The following CWC27 variants were observed in gnomAD, a reference collection of about 807,000 sequenced individuals.
The protein encoded by CWC27 is spliceosome-associated protein CWC27 homolog.
Under a neutral mutation model 63.6 loss-of-function variants are expected in CWC27, and 47 were observed. The observed-to-expected ratio is 0.74, with a 90% CI of 0.58 to 0.94. The LOEUF (loss-of-function observed/expected upper bound fraction) is 0.94, where lower values mean the gene tolerates loss of function less well. CWC27 is among the 40% of genes least tolerant of loss of function. The pLI, the probability that CWC27 is intolerant of heterozygous loss-of-function variation, is 0.00. For synonymous variants in CWC27, 175 were observed against 179.8 expected (o/e 0.97, Z 0.22); for missense variants, 495 against 554.3 (o/e 0.89, Z 1.07).
At chr5:64,932,173 T>C (rs954573034) in intron 11 of CWC27, among the ~76,000 whole-genome samples, 6 of 152,200 alleles carry the variant, frequency 3.9e-5, no homozygotes, top group Admixed American at 6.5e-5. Flanking sequence ...GAAACTGAGA[T>C]TATTCTTGTT....
chr5:64,988,602 A>ATT (rs34138527), intron 13 of CWC27, among the ~76,000 whole-genome samples: 253 of 126,982 alleles, frequency 2.0e-3, no homozygotes, highest in African/African-American at 4.8e-3. Flanking sequence ...CTGTTAGACT[A>ATT]TTTTTTTTTT....
chr5:64,778,413 G>A (rs957161250), intron 2 of CWC27, among the ~76,000 whole-genome samples: 1 of 152,060 alleles, frequency 6.6e-6, no homozygotes, highest in Admixed American at 6.6e-5. Flanking sequence ...CTGATCATGT[G>A]CACAGTGCTC....
intron 11 of CWC27, among the ~76,000 whole-genome samples, chr5:64,953,215 A>G (rs531491501): frequency 6.6e-6 from 1 of 152,256 alleles, no homozygotes; most frequent in South Asian, 2.1e-4. Context: ...ATATTTCTCA[A>G]TGTTGGCTTG....
chr5:64,891,038 A>G (rs16893231), intron 11 of CWC27, among the ~76,000 whole-genome samples: 55,322 of 151,948 alleles, frequency 0.36, 10,656 homozygotes, highest in East Asian at 0.52. Context: ...AAACACAAGA[A>G]CATAAGAGTC....
At chr5:64,826,039 C>G (rs1374808744) in intron 10 of CWC27, among the ~76,000 whole-genome samples, 4 of 151,916 alleles carry the variant, frequency 2.6e-5, no homozygotes, top group Non-Finnish European at 5.9e-5. Flanking sequence ...TCTGCCTAGG[C>G]AGCTCCCACA....
chr5:64,928,474 A>G (rs1748164823), intron 11 of CWC27, among the ~76,000 whole-genome samples: 1 of 152,214 alleles, frequency 6.6e-6, no homozygotes, highest in Non-Finnish European at 1.5e-5. Flanking sequence ...GGGAAAAGTC[A>G]TAATTTAACC....
At chr5:64,995,573 T>G (rs530069820) in intron 13 of CWC27, among the ~76,000 whole-genome samples, 9 of 152,208 alleles carry the variant, frequency 5.9e-5, no homozygotes, top group Non-Finnish European at 8.8e-5. Flanking sequence ...TATCATGTTT[T>G]TTTTTCTAAA....
At chr5:64,789,698 A>G (rs768543732) in intron 7 of CWC27, among the ~76,000 whole-genome samples, 4 of 152,102 alleles carry the variant, frequency 2.6e-5, no homozygotes, top group Non-Finnish European at 4.4e-5. Flanking sequence ...ACACGGTGTC[A>G]TGCCATTGTT....
At chr5:64,972,086 C>A (rs1012474085) in intron 12 of CWC27, among the ~76,000 whole-genome samples, 2 of 152,118 alleles carry the variant, frequency 1.3e-5, no homozygotes, top group Non-Finnish European at 1.5e-5. Flanking sequence ...AGCCATGTAT[C>A]CTCAGAAACC....
At chr5:65,015,442 G>C (rs1750033961) in intron 13 of CWC27, among the ~76,000 whole-genome samples, 1 of 152,206 alleles carries the variant, frequency 6.6e-6, no homozygotes, top group Non-Finnish European at 1.5e-5. Flanking sequence ...AAGGGCGTAT[G>C]ATTCCAGCTA....
chr5:64,802,474 A>T (rs1365058466), intron 9 of CWC27, among the ~76,000 whole-genome samples: 1 of 152,202 alleles, frequency 6.6e-6, no homozygotes, highest in Non-Finnish European at 1.5e-5. Flanking sequence ...GGATGCTATG[A>T]TCAATTTTGC....
chr5:64,789,650 T>C (rs896088926), intron 7 of CWC27, among the ~76,000 whole-genome samples: 1 of 152,130 alleles, frequency 6.6e-6, no homozygotes, highest in African/African-American at 2.4e-5. Flanking sequence ...CATGTGGTTT[T>C]CTTCAATATT....
chr5:64,827,213 G>T (rs1486813014), intron 10 of CWC27, among the ~76,000 whole-genome samples: 2 of 152,092 alleles, frequency 1.3e-5, no homozygotes, highest in Non-Finnish European at 2.9e-5. Flanking sequence ...GTAGGAAAAT[G>T]GAGTAGATAA....
intron 13 of CWC27, among the ~76,000 whole-genome samples, chr5:64,980,598 T>G (rs1028944387): frequency 4.6e-5 from 7 of 152,214 alleles, no homozygotes; most frequent in African/African-American, 1.7e-4. Flanking sequence ...ACTTGAAACA[T>G]TACAGCACAT....
chr5:64,901,831 T>C (rs1217955046), intron 11 of CWC27, among the ~76,000 whole-genome samples: 12 of 152,214 alleles, frequency 7.9e-5, no homozygotes, highest in Non-Finnish European at 1.6e-4. Context: ...TATAAGCTTT[T>C]TTCTACTTTT....
At chr5:65,006,956 A>AAGAG (rs1554030687) in intron 13 of CWC27, among the ~76,000 whole-genome samples, 1 of 123,858 alleles carries the variant, frequency 8.1e-6, no homozygotes, top group Non-Finnish European at 1.7e-5. Context: ...TTTATTTAAA[A>AAGAG]AGACAGAAAG....
intron 9 of CWC27, among the ~76,000 whole-genome samples, chr5:64,803,117 G>A (rs1744543950): frequency 6.6e-6 from 1 of 152,028 alleles, no homozygotes; most frequent in Non-Finnish European, 1.5e-5. Context: ...CTGCAATGAG[G>A]GCTAGAATTT....
At chr5:65,006,960 CA>C (rs1188775719) in intron 13 of CWC27, among the ~76,000 whole-genome samples, 6 of 121,116 alleles carry the variant, frequency 5.0e-5, no homozygotes, top group African/African-American at 3.1e-5. Context: ...TTTAAAAAGA[CA>C]GAAAGAAAGA....
intron 2 of CWC27, among the ~76,000 whole-genome samples, chr5:64,778,866 G>A (rs1351326090): frequency 2.6e-5 from 4 of 152,204 alleles, no homozygotes; most frequent in Admixed American, 2.6e-4. Flanking sequence ...TGCAATGGGA[G>A]AAGGGACTAA....
Sources: allele counts gnomAD v4.1 joint callset (sites outside exome capture counted in the v4.1 genomes callset), GRCh38; gene constraint gnomAD v4.1.1; transcripts MANE v1.5; gene names NCBI Gene and HGNC (gene_info 2026-07-23, HGNC 2026-07-21).